LINGO2: variants seen among roughly 807,000 people sequenced by gnomAD.
The protein encoded by LINGO2 is leucine-rich repeat and immunoglobulin-like domain-containing nogo receptor-interacting protein 2.
A neutral mutation model predicts 30.6 loss-of-function variants in LINGO2; 14 were observed. The ratio of observed to expected loss-of-function variants is 0.46; its 90% confidence interval spans 0.30 to 0.72. The LOEUF is 0.72. LINGO2 is among the 30% of genes least tolerant of loss of function. The pLI, the probability that LINGO2 is intolerant of heterozygous loss-of-function variation, is 0.07. For synonymous variants in LINGO2, 317 were observed against 288.5 expected (o/e 1.10, Z -1.00); for missense variants, 729 against 751.7 (o/e 0.97, Z 0.35).
the LINGO2 span, among the ~76,000 whole-genome samples, chr9:28,764,826 C>CA: frequency 6.6e-6 from 1 of 151,626 alleles, no homozygotes; most frequent in African/African-American, 2.4e-5. Context: ...AATCAACACA[C>CA]AAAAATCAGT....
At chr9:28,449,354 T>A (rs907500514) in intron 2 of LINGO2, among the ~76,000 whole-genome samples, 4 of 152,032 alleles carry the variant, frequency 2.6e-5, no homozygotes, top group Non-Finnish European at 5.9e-5. Context: ...AACAGTTTGT[T>A]TTCAAGCAAA....
At chr9:29,014,176 T>C in the LINGO2 span, among the ~76,000 whole-genome samples, 1 of 152,148 alleles carries the variant, frequency 6.6e-6, no homozygotes, top group Non-Finnish European at 1.5e-5. Context: ...AAACAGATGA[T>C]AGAAAATGCA....
chr9:28,572,609 T>C (rs1006532956), intron 1 of LINGO2, among the ~76,000 whole-genome samples: 3 of 151,988 alleles, frequency 2.0e-5, no homozygotes, highest in Admixed American at 6.6e-5. Context: ...GCCAGAAAAA[T>C]TTGAAATTGA....
the LINGO2 span, among the ~76,000 whole-genome samples, chr9:28,945,153 G>A: frequency 5.3e-5 from 8 of 151,934 alleles, no homozygotes; most frequent in African/African-American, 1.9e-4. Flanking sequence ...TGGCCCTATC[G>A]TTTTCTAACC....
chr9:28,397,376 T>C (rs376900230), intron 2 of LINGO2, among the ~76,000 whole-genome samples: 36 of 92,628 alleles, frequency 3.9e-4, no homozygotes, highest in South Asian at 1.0e-3. Context: ...TATATATACA[T>C]ATATATATAT....
At chr9:28,026,843 A>C (rs1364568000) in intron 4 of LINGO2, among the ~76,000 whole-genome samples, 2 of 152,178 alleles carry the variant, frequency 1.3e-5, no homozygotes, top group Non-Finnish European at 2.9e-5. Flanking sequence ...TAAGTGCCTC[A>C]GATGTCATTA....
Position 28,147,254 on chromosome 9 carries a change from C to T in LINGO2, c.-86-134849G>A, listed in dbSNP as rs893964584. 1.3e-5 allele frequency among the ~76,000 whole-genome samples: 2 copies of T among 152,184 alleles called. No homozygotes were observed. The highest frequency in any genetic ancestry group is 2.1e-4 in the South Asian group (1 of 4,834). ...TGATCATGAGGCACACAGGCCAGAG[C>T]GCCAGCTGTGGAATCGCACAGCCTG... On this transcript the variant is annotated intron_variant, in intron 4 of 5. Coordinates refer to ENST00000379992, the Ensembl canonical transcript of LINGO2. The surrounding 1 kb of genome is among the most constrained non-coding windows in gnomAD (Gnocchi z 4.7).
At chr9:28,484,887 CAATT>C (rs1826111115) in intron 1 of LINGO2, among the ~76,000 whole-genome samples, 1 of 152,050 alleles carries the variant, frequency 6.6e-6, no homozygotes, top group African/African-American at 2.4e-5. Flanking sequence ...ACACTTCAAT[CAATT>C]GTCTGTTAAG....
At chr9:28,621,915 C>A in intron 1 of LINGO2, among the ~76,000 whole-genome samples, 1 of 152,006 alleles carries the variant, frequency 6.6e-6, no homozygotes, top group East Asian at 1.9e-4. Flanking sequence ...CACTGAGACA[C>A]AAAACAAGCA....
At chr9:28,646,291 C>A (rs1394682368) in intron 1 of LINGO2, among the ~76,000 whole-genome samples, 2 of 152,042 alleles carry the variant, frequency 1.3e-5, no homozygotes, top group African/African-American at 4.8e-5. Context: ...TATCCATTGG[C>A]TGGAATCTCA....
At chr9:28,110,192 A>G (rs974017373) in intron 4 of LINGO2, among the ~76,000 whole-genome samples, 1 of 152,258 alleles carries the variant, frequency 6.6e-6, no homozygotes, top group Non-Finnish European at 1.5e-5. Flanking sequence ...GGCTAGCCAT[A>G]TGCAGAAAAC....
chr9:28,815,032 A>G, the LINGO2 span, among the ~76,000 whole-genome samples: 3 of 151,756 alleles, frequency 2.0e-5, no homozygotes, highest in Non-Finnish European at 4.4e-5. Context: ...ATTGAAAACT[A>G]AAGAGGAATT....
At chr9:28,444,979 T>C (rs1824365279) in intron 2 of LINGO2, among the ~76,000 whole-genome samples, 1 of 152,098 alleles carries the variant, frequency 6.6e-6, no homozygotes, top group African/African-American at 2.4e-5. Context: ...CTACAGAGGT[T>C]TCTGGCTGGT....
chr9:28,150,568 G>A (rs540222086), intron 4 of LINGO2, among the ~76,000 whole-genome samples: 1 of 152,306 alleles, frequency 6.6e-6, no homozygotes, highest in East Asian at 1.9e-4. Context: ...TGGTGACAGA[G>A]CAAGATTCCG....
intron 2 of LINGO2, among the ~76,000 whole-genome samples, chr9:28,400,348 G>C (rs1822211782): frequency 6.6e-6 from 1 of 152,054 alleles, no homozygotes; most frequent in Non-Finnish European, 1.5e-5. Context: ...GCCTGTGAGA[G>C]TCAATTATGA....
chr9:28,292,365 C>A (rs752878466), intron 4 of LINGO2, among the ~76,000 whole-genome samples: 3 of 152,150 alleles, frequency 2.0e-5, no homozygotes, highest in Non-Finnish European at 4.4e-5. Flanking sequence ...TTCCAACAGT[C>A]TGAGGATTTT....
At chr9:28,741,267 G>A in the LINGO2 span, among the ~76,000 whole-genome samples, 4 of 152,116 alleles carry the variant, frequency 2.6e-5, no homozygotes, top group South Asian at 8.3e-4. Flanking sequence ...CCAACGTGGT[G>A]CATGAAGTCA....
intron 2 of LINGO2, among the ~76,000 whole-genome samples, chr9:28,454,635 A>G (rs1824776976): frequency 6.6e-6 from 1 of 152,004 alleles, no homozygotes; most frequent in African/African-American, 2.4e-5. Context: ...ATAAGTTTTG[A>G]TCATTGAAAC....
chr9:28,490,648 T>G (rs373512136), intron 1 of LINGO2, among the ~76,000 whole-genome samples: 3 of 152,196 alleles, frequency 2.0e-5, no homozygotes, highest in East Asian at 1.9e-4. Context: ...TCAGATTATG[T>G]GAAGTGTCCT....
Sources: gnomAD v4.1 joint callset for allele counts (sites outside exome capture counted in the v4.1 genomes callset) on GRCh38, gnomAD v4.1.1 for gene constraint, Gnocchi (gnomAD v3.1) non-coding constraint, MANE v1.5 for transcripts, NCBI Gene and HGNC (gene_info 2026-07-23, HGNC 2026-07-21) for gene names.